Variants in SAP130 observed in about 807,000 individuals in gnomAD.
The protein encoded by SAP130 is Sin3A associated protein 130.
SAP130 carries 16 observed loss-of-function variants against 103.2 expected under a neutral mutation model. That is an observed-to-expected ratio of 0.16 (90% CI 0.10 to 0.24). The LOEUF is 0.24. SAP130 is among the 10% of genes least tolerant of loss of function. The pLI is 1.00. For missense variants in SAP130, 990 were observed against 1,359.7 expected (o/e 0.73, Z 4.28); for synonymous variants, 477 against 497.0 (o/e 0.96, Z 0.53).
In SAP130 at chr2:127,942,836, A is replaced by C. The variant is rs961190130; in HGVS notation, c.2902-299T>G. Reference sequence around the variant, plus strand: ...AAACGCCATCTCTATTAAAAATACAAAATTAGCTGGGCGTGGTGGCGCATG... The same window carrying C: ...AAACGCCATCTCTATTAAAAATACACAATTAGCTGGGCGTGGTGGCGCATG... On this transcript the variant is annotated intron_variant, in intron 19 of 20. Transcript: ENST00000643581. The surrounding 1 kb of genome is among the most constrained non-coding windows in gnomAD (Gnocchi z 4.8). Among the ~76,000 whole-genome samples, 2 of 152,136 alleles carry C rather than the reference A, an allele frequency of 1.3e-5. No homozygotes were observed. The highest frequency in any genetic ancestry group is 4.8e-5 in the African/African-American group (2 of 41,440).
In SAP130 at chr2:128,016,390, T is replaced by C; in HGVS notation, c.506A>G (p.Gln169Arg). Residue 169 changes from glutamine (Q) to arginine (R), a missense_variant and splice_region_variant, in exon 4 of 21, where the codon CAG (glutamine) becomes CGG (arginine). By Grantham distance (43) the Gln-to-Arg change is conservative. Transcript: ENST00000643581. ...CAGCAAATTAAAAGGAAGAAAAACC[T>C]GTTGTCCACTGATTGTTGCCACAGG... ...AIPVATISGQ[Q>R]GHPSNLHHIM... 1 of 1,606,830 alleles carries C rather than the reference T, an allele frequency of 6.2e-7. No homozygotes were observed. The highest frequency in any genetic ancestry group is 2.2e-5 in the East Asian group (1 of 44,710).
At chr2:127,977,335 CA>C (rs36038328) in intron 15 of SAP130, among the ~76,000 whole-genome samples, 17 of 111,728 alleles carry the variant, frequency 1.5e-4, no homozygotes, top group East Asian at 2.6e-4. Flanking sequence ...ACTTAAAATA[CA>C]AAAAAAAAAA....
At chr2:127,978,866 C>T (rs1027234235) in intron 14 of SAP130, among the ~76,000 whole-genome samples, 1 of 152,080 alleles carries the variant, frequency 6.6e-6, no homozygotes, top group East Asian at 1.9e-4. Flanking sequence ...CAGATCAAAC[C>T]TTCAGAGTCA....
chr2:128,020,851 C>T (rs2105235865), intron 2 of SAP130, among the ~76,000 whole-genome samples: 1 of 152,170 alleles, frequency 6.6e-6, no homozygotes, highest in South Asian at 2.1e-4. Context: ...CAAAAATTAG[C>T]TGGGCATGAT....
chr2:128,019,875 G>GT (rs966717637), intron 2 of SAP130, among the ~76,000 whole-genome samples: 4 of 151,034 alleles, frequency 2.6e-5, no homozygotes, highest in African/African-American at 9.7e-5. Flanking sequence ...GCAAAACTCT[G>GT]TGTCAAAAAA....
Position 127,989,965 on chromosome 2 carries a change from A to T in SAP130, c.1478-99T>A. On this transcript the variant is annotated intron_variant, in intron 12 of 20. Transcript: ENST00000643581. The surrounding 1 kb of genome is among the most constrained non-coding windows in gnomAD (Gnocchi z 4.6). ...TAAAAACGGATTTCCTCCACTGTAT[A>T]AGATCTAAATCCATGGTTTGAAAAA... The T allele has an allele frequency of 9.4e-7, 1 of 1,067,694 alleles. No individual in the cohort carries two copies. The highest frequency in any genetic ancestry group is 1.3e-6 in the Non-Finnish European group (1 of 745,334). The allele number at this position is 1,067,694 out of a possible 1,614,324, so 66.1% of individuals were successfully genotyped here.
intron 15 of SAP130, among the ~76,000 whole-genome samples, chr2:127,966,299 C>T (rs761571733): frequency 2.0e-5 from 3 of 151,828 alleles, no homozygotes; most frequent in Non-Finnish European, 4.4e-5. Context: ...GAGCCGAGAT[C>T]GTGCCATTGT....
intron 15 of SAP130, among the ~76,000 whole-genome samples, chr2:127,959,294 T>G (rs570348066): frequency 1.3e-5 from 2 of 152,228 alleles, no homozygotes; most frequent in East Asian, 1.9e-4. Context: ...AAGAAAAGCC[T>G]ACTCTGTCTA....
chr2:127,948,188 A>G (rs1679242878), intron 18 of SAP130, among the ~76,000 whole-genome samples: 1 of 151,882 alleles, frequency 6.6e-6, no homozygotes, highest in African/African-American at 2.4e-5. Flanking sequence ...GTGTTTTTTC[A>G]CTGATTCTGC....
chr2:127,999,029 T>C (rs1683363560), intron 10 of SAP130, among the ~76,000 whole-genome samples: 1 of 152,202 alleles, frequency 6.6e-6, no homozygotes, highest in African/African-American at 2.4e-5. Context: ...TTGACAAATA[T>C]GAATTAAATT....
intron 14 of SAP130, among the ~76,000 whole-genome samples, chr2:127,982,317 G>A (rs1559066336): frequency 6.6e-6 from 1 of 152,162 alleles, no homozygotes; most frequent in African/African-American, 2.4e-5. Context: ...GAGAGAGGGG[G>A]AGAAGAACTA....
chr2:127,959,081 G>A (rs1408964271), intron 15 of SAP130, among the ~76,000 whole-genome samples: 2 of 152,130 alleles, frequency 1.3e-5, no homozygotes, highest in Non-Finnish European at 2.9e-5. Flanking sequence ...AAGTATAGCT[G>A]AAAATTGTGT....
At position 128,017,791 on chromosome 2, in the gene SAP130, C is replaced by T; in HGVS notation, c.237G>A (p.Gln79=). ...CGACAGCATGGTGTGTCGACAACAT[C>T]TGCACCTGTGGATAGGGCCTTACCA... ...PVVVRPYPQV[Q]MLSTHHAVAS... The change falls in exon 3 of 21, where the codon CAG becomes CAA. Residue 79 remains glutamine (Q), a synonymous_variant. Coordinates refer to ENST00000643581, the MANE Select transcript of SAP130 (RefSeq NM_001330301.2). 1 of 1,614,210 alleles carries T rather than the reference C, an allele frequency of 6.2e-7. No homozygotes were observed. The highest frequency in any genetic ancestry group is 8.5e-7 in the Non-Finnish European group (1 of 1,180,036).
Position 127,971,286 on chromosome 2 carries a change from C to CT in SAP130, c.2063+6698dup, listed in dbSNP as rs70985494. Among the ~76,000 whole-genome samples the CT allele has an allele frequency of 5.0e-3, 518 of 104,328 alleles. 5 individuals are homozygous for CT. Among genetic ancestry groups the CT allele is most frequent in the Non-Finnish European group, 8.7e-3 (421 of 48,472 alleles). 68.4% of individuals were successfully genotyped at this position (104,328 alleles called of 152,430 possible). Reference sequence around the variant, plus strand: ...TTGTATTTTATCCACTTTTTCATTTCTTTTTTTTTTTTTTTTTGAGACGGA... The same window carrying CT: ...TTGTATTTTATCCACTTTTTCATTTCTTTTTTTTTTTTTTTTTTGAGACGGA... On this transcript the variant is annotated intron_variant, in intron 15 of 20. Transcript: ENST00000643581.
intron 14 of SAP130, among the ~76,000 whole-genome samples, chr2:127,981,200 G>A (rs1161065103): frequency 2.0e-5 from 3 of 151,604 alleles, no homozygotes; most frequent in African/African-American, 7.3e-5. Flanking sequence ...ACAGGATGCG[G>A]TTAACATGTC....
chr2:127,947,753 A>G (rs1273720875), intron 18 of SAP130, among the ~76,000 whole-genome samples: 1 of 39,258 alleles, frequency 2.5e-5, no homozygotes, highest in African/African-American at 6.2e-5. Flanking sequence ...TTAATTTTGT[A>G]TTGTGTGTGT....
rs116115528 is a variant in SAP130 at position 127,997,827 on chromosome 2, A to G, written c.1214-1336T>C. Reference sequence around the variant, plus strand: ...TCTTTGTTTTCTAATTTAAAAAGCCATAAAGGCTGGATGCAGTGGCTCATG... The same window carrying G: ...TCTTTGTTTTCTAATTTAAAAAGCCGTAAAGGCTGGATGCAGTGGCTCATG... On this transcript the variant is annotated intron_variant, in intron 10 of 20. Coordinates refer to ENST00000643581, the MANE Select transcript of SAP130 (RefSeq NM_001330301.2). Among the ~76,000 whole-genome samples, 1,395 of 152,316 alleles carry G rather than the reference A, an allele frequency of 9.2e-3. 22 individuals are homozygous for G. Among genetic ancestry groups the G allele is most frequent in the African/African-American group, 0.032 (1,337 of 41,568 alleles).
At chr2:128,010,238 A>G (rs1157251127) in intron 7 of SAP130, 31 bp downstream of exon 7, 1 of 1,586,704 alleles carries the variant, frequency 6.3e-7, no homozygotes, top group Admixed American at 1.8e-5. Context: ...GGATGGCAGG[A>G]AGGTTCAAAC....
At chr2:127,990,654 A>G (rs535706600) in intron 12 of SAP130, among the ~76,000 whole-genome samples, 2 of 152,340 alleles carry the variant, frequency 1.3e-5, no homozygotes, top group South Asian at 4.1e-4. Flanking sequence ...TAAAAAAGTA[A>G]AAACAGCCCG....
Sources: gnomAD v4.1 joint callset for allele counts (sites outside exome capture counted in the v4.1 genomes callset) on GRCh38, gnomAD v4.1.1 for gene constraint, Gnocchi (gnomAD v3.1) non-coding constraint, MANE v1.5 for transcripts, NCBI Gene and HGNC (gene_info 2026-07-23, HGNC 2026-07-21) for gene names.